Variants in PTPRD observed in about 807,000 individuals in gnomAD.
PTPRD encodes the protein protein tyrosine phosphatase receptor type D.
A neutral mutation model predicts 214.5 loss-of-function variants in PTPRD; 34 were observed. That is an observed-to-expected ratio of 0.16 (90% CI 0.12 to 0.21). The LOEUF (loss-of-function observed/expected upper bound fraction) is 0.21. PTPRD is among the 10% of genes least tolerant of loss of function. PTPRD has a pLI of 1.00. For missense variants in PTPRD, 2,545 were observed against 2,398.7 expected, an observed-to-expected ratio of 1.06 and a Z score of -1.27; for synonymous variants, 1,128 against 845.7, an observed-to-expected ratio of 1.33 and a Z score of -5.79.
At chr9:9,176,304 T>A (rs1462733829) in intron 10 of PTPRD, among the ~76,000 whole-genome samples, 1 of 152,186 alleles carries the variant, frequency 6.6e-6, no homozygotes, top group Admixed American at 6.6e-5. Context: ...TTCATGAACA[T>A]AATCATTGAT....
chr9:10,410,649 A>T (rs891590592), intron 2 of PTPRD, among the ~76,000 whole-genome samples: 3 of 151,802 alleles, frequency 2.0e-5, no homozygotes, highest in African/African-American at 7.2e-5. Flanking sequence ...CAAGTGACAT[A>T]AAAAGGAACA....
At chr9:8,749,159 C>T (rs1049652405) in intron 11 of PTPRD, among the ~76,000 whole-genome samples, 9 of 151,878 alleles carry the variant, frequency 5.9e-5, no homozygotes, top group Non-Finnish European at 1.0e-4. Context: ...GGCCCATTGC[C>T]CTAGATATAG....
chr9:9,174,929 T>C (rs2099923716), intron 10 of PTPRD, among the ~76,000 whole-genome samples: 1 of 152,086 alleles, frequency 6.6e-6, no homozygotes, highest in East Asian at 1.9e-4. Flanking sequence ...AGTGGGGCCA[T>C]TGAAAGGTGA....
chr9:9,287,941 A>C (rs577216194), intron 9 of PTPRD, among the ~76,000 whole-genome samples: 31 of 151,064 alleles, frequency 2.1e-4, no homozygotes, highest in Non-Finnish European at 4.1e-4. Context: ...TTTCAATTTT[A>C]ATTTTCCCCA....
At chr9:9,428,482 T>C (rs914791422) in intron 8 of PTPRD, among the ~76,000 whole-genome samples, 1 of 152,116 alleles carries the variant, frequency 6.6e-6, no homozygotes, top group African/African-American at 2.4e-5. Context: ...CTGTCAACAT[T>C]AGACAGATCA....
chr9:9,616,345 G>A (rs760663673), intron 7 of PTPRD, among the ~76,000 whole-genome samples: 2 of 152,116 alleles, frequency 1.3e-5, no homozygotes, highest in Non-Finnish European at 2.9e-5. Context: ...AAGCCTACAA[G>A]AGAAGTTTCT....
intron 10 of PTPRD, among the ~76,000 whole-genome samples, chr9:9,168,898 T>A (rs529092715): frequency 8.6e-5 from 13 of 151,358 alleles, no homozygotes; most frequent in East Asian, 1.9e-4. Flanking sequence ...ATTTATATAT[T>A]TTTTTTGTAG....
At chr9:8,898,129 C>G (rs1412460887) in intron 11 of PTPRD, among the ~76,000 whole-genome samples, 1 of 152,142 alleles carries the variant, frequency 6.6e-6, no homozygotes, top group Non-Finnish European at 1.5e-5. Context: ...CCTCCTCATC[C>G]CTTGTCAGTC....
chr9:10,070,346 T>C (rs1190283179), intron 3 of PTPRD, among the ~76,000 whole-genome samples: 1 of 152,020 alleles, frequency 6.6e-6, no homozygotes, highest in Non-Finnish European at 1.5e-5. Context: ...GATTATAAAG[T>C]TTTTCTCTAA....
intron 2 of PTPRD, among the ~76,000 whole-genome samples, chr9:10,580,786 G>C (rs1486725187): frequency 6.6e-6 from 1 of 152,172 alleles, no homozygotes; most frequent in Non-Finnish European, 1.5e-5. Context: ...TAGTCTCATA[G>C]TCAGAGTATC....
intron 9 of PTPRD, among the ~76,000 whole-genome samples, chr9:9,247,650 C>A (rs1321280385): frequency 6.6e-6 from 1 of 152,030 alleles, no homozygotes; most frequent in Non-Finnish European, 1.5e-5. Flanking sequence ...AATACAAGGC[C>A]CGACTCACAT....
At position 10,089,669 on chromosome 9, in the gene PTPRD, G is replaced by A. The variant is rs574587464; in HGVS notation, c.-544-55879C>T. 7.2e-5 allele frequency among the ~76,000 whole-genome samples: 11 copies of A among 151,762 alleles called. No individual in the cohort carries two copies. In the South Asian group the frequency reaches 2.1e-3, roughly 29 times the overall value. ...CAACAGAATAAGGTATAACTTCCAA[G>A]CCAATTGAACTACTATTTAAAAAGT... On this transcript the variant is annotated intron_variant, in intron 3 of 45. Coordinates refer to ENST00000381196, the MANE Select transcript of PTPRD (RefSeq NM_002839.4).
At chr9:8,890,698 G>C (rs2098531552) in intron 11 of PTPRD, among the ~76,000 whole-genome samples, 1 of 152,148 alleles carries the variant, frequency 6.6e-6, no homozygotes, top group East Asian at 1.9e-4. Context: ...TCTCTCCTTT[G>C]AGAGAGTCTT....
intron 10 of PTPRD, among the ~76,000 whole-genome samples, chr9:9,179,948 A>C (rs577901286): frequency 1.3e-5 from 2 of 152,248 alleles, no homozygotes; most frequent in Non-Finnish European, 1.5e-5. Flanking sequence ...CATAATATAC[A>C]TATCAAAAAT....
intron 5 of PTPRD, among the ~76,000 whole-genome samples, chr9:9,821,899 C>T (rs539228535): frequency 6.7e-6 from 1 of 149,742 alleles, no homozygotes; most frequent in South Asian, 2.1e-4. Flanking sequence ...TGACTGAATA[C>T]TTTCCTTGAT....
At chr9:9,596,587 G>T (rs1182498674) in intron 7 of PTPRD, among the ~76,000 whole-genome samples, 1 of 151,912 alleles carries the variant, frequency 6.6e-6, no homozygotes, top group African/African-American at 2.4e-5. Context: ...TACAAGAAAT[G>T]ATTTATTGCT....
intron 9 of PTPRD, among the ~76,000 whole-genome samples, chr9:9,370,998 G>A (rs760319801): frequency 2.0e-5 from 3 of 152,132 alleles, no homozygotes; most frequent in Admixed American, 2.0e-4. Flanking sequence ...TTGATGTGCT[G>A]CTGGATTCGT....
intron 3 of PTPRD, among the ~76,000 whole-genome samples, chr9:10,195,605 G>A (rs1487526161): frequency 6.6e-6 from 1 of 152,118 alleles, no homozygotes; most frequent in Non-Finnish European, 1.5e-5. Flanking sequence ...GTCAACTTTA[G>A]TATAAGGTAT....
At chr9:9,227,884 A>G (rs1207610703) in intron 9 of PTPRD, among the ~76,000 whole-genome samples, 1 of 152,176 alleles carries the variant, frequency 6.6e-6, no homozygotes, top group Non-Finnish European at 1.5e-5. Flanking sequence ...ACCCAGAGCC[A>G]GAACCATCCA....
Sources: allele counts gnomAD v4.1 joint callset (sites outside exome capture counted in the v4.1 genomes callset), GRCh38; gene constraint gnomAD v4.1.1; transcripts MANE v1.5; gene names NCBI Gene and HGNC (gene_info 2026-07-23, HGNC 2026-07-21).